PTK7: variants seen among roughly 807,000 people sequenced by gnomAD.
The protein encoded by PTK7 is inactive tyrosine-protein kinase 7.
In PTK7, 39 loss-of-function variants were observed where a neutral mutation model predicts 116.6. That is an observed-to-expected ratio of 0.33 (90% confidence interval 0.26 to 0.44). PTK7 has a LOEUF of 0.44. Among genes scored for constraint, PTK7 ranks in the 20% least tolerant of loss-of-function variants. PTK7 has a pLI of 1.00. For missense variants in PTK7, 1,169 were observed against 1,425.6 expected (o/e 0.82, Z 2.90); for synonymous variants, 546 against 563.6 (o/e 0.97, Z 0.44).
chr6:43,107,505 G>T (rs1268321301), intron 1 of PTK7, among the ~76,000 whole-genome samples: 1 of 152,122 alleles, frequency 6.6e-6, no homozygotes, highest in Non-Finnish European at 1.5e-5. Flanking sequence ...AAGTTAATAT[G>T]GTTAAATGTT....
At chr6:43,158,779 T>G (rs1771664468) in intron 17 of PTK7, 38 bp from the exon 18 acceptor site, 23 of 1,603,026 alleles carry the variant, frequency 1.4e-5, no homozygotes, top group Non-Finnish European at 2.0e-5. Flanking sequence ...TTGATGCCTA[T>G]TCCTGGGCTG....
intron 1 of PTK7, among the ~76,000 whole-genome samples, chr6:43,118,620 CCTCTCTCTCTCTCTCT>C (rs1170818291): frequency 1.7e-3 from 110 of 63,364 alleles, no homozygotes; most frequent in African/African-American, 2.6e-3. Flanking sequence ...AATATTTTAA[CCTCTCTCTCTCTCTCT>C]CTCTCTCTCT....
intron 1 of PTK7, among the ~76,000 whole-genome samples, chr6:43,079,907 A>C (rs948190020): frequency 1.3e-5 from 2 of 151,976 alleles, no homozygotes; most frequent in African/African-American, 4.8e-5. Flanking sequence ...AAAAAAAAAA[A>C]AAAAATTGCC....
intron 1 of PTK7, among the ~76,000 whole-genome samples, chr6:43,101,756 C>T (rs1262285940): frequency 1.3e-5 from 2 of 152,110 alleles, no homozygotes; most frequent in Non-Finnish European, 2.9e-5. Context: ...AACCACACTA[C>T]TTAGAAACGT....
At chr6:43,100,968 C>T (rs1412266069) in intron 1 of PTK7, among the ~76,000 whole-genome samples, 2 of 152,042 alleles carry the variant, frequency 1.3e-5, no homozygotes, top group Non-Finnish European at 2.9e-5. Context: ...TGCGGTGGCT[C>T]ACGCCTGTAA....
chr6:43,157,166 TG>T lies in PTK7; in HGVS notation c.2722-1649del, dbSNP rs113828210. 9.4e-3 allele frequency among the ~76,000 whole-genome samples: 1,339 copies of T among 142,314 alleles called. 24 individuals carry two copies. The highest frequency in any genetic ancestry group is 0.038 in the East Asian group (187 of 4,884). The allele number at this position is 142,314 out of a possible 152,430, so 93.4% of individuals were successfully genotyped here. A position where few individuals can be genotyped will look rare whatever the true frequency, so the allele number is the denominator to read the frequency against. Reference sequence around the variant, plus strand: ...CTTGAGTGCTAGCATTGTTGGATTGTGGTTTTTTTTTTTTTTTCCCACAAAA... The same window carrying T: ...CTTGAGTGCTAGCATTGTTGGATTGTGTTTTTTTTTTTTTTTCCCACAAAA... On this transcript the variant is annotated intron_variant, in intron 17 of 19. Transcript: ENST00000230419.
At chr6:43,138,180 GT>G (rs11317983) in intron 7 of PTK7, among the ~76,000 whole-genome samples, 102,069 of 151,422 alleles carry the variant, frequency 0.67, 35,682 homozygotes, top group African/African-American at 0.86. Context: ...TGGGGGGTTT[GT>G]TTTTTTTGTT....
In PTK7 at chr6:43,141,893, T is replaced by G; in HGVS notation, c.1769-38T>G. 2 of 1,595,008 alleles carry G rather than the reference T, an allele frequency of 1.3e-6. No homozygotes were observed. The highest frequency in any genetic ancestry group is 1.7e-6 in the Non-Finnish European group (2 of 1,168,324). On this transcript the variant is annotated intron_variant, in intron 11 of 19. Transcript: ENST00000230419. This position sits in a 1 kb window ranked among gnomAD's most constrained non-coding sequence, Gnocchi z 4.9. ...CGTGTACCCTGCCAGCCCCTTGGCT[T>G]ACCCCTCCCTGCGCCTCGCTGGTCT...
chr6:43,129,535 C>T lies in PTK7; in HGVS notation c.368-192C>T. 1 of 682,346 alleles carries T rather than the reference C, an allele frequency of 1.5e-6. No individual in the cohort carries two copies. The highest frequency in any genetic ancestry group is 2.4e-6 in the Non-Finnish European group (1 of 410,700). The allele number at this position is 682,346 out of a possible 1,614,324, so 42.3% of individuals were successfully genotyped here. On this transcript the variant is annotated intron_variant, in intron 2 of 19. Coordinates refer to ENST00000230419, the MANE Select transcript of PTK7 (RefSeq NM_002821.5). The surrounding 1 kb of genome is among the most constrained non-coding windows in gnomAD (Gnocchi z 4.5). ...GCCGAGCCCTTGGCCAAGTGTCAGA[C>T]TTGACCTGCCAGGGACCAGGCAGGC...
chr6:43,128,042 G>A (rs1477705382), intron 1 of PTK7, among the ~76,000 whole-genome samples: 1 of 152,174 alleles, frequency 6.6e-6, no homozygotes, highest in East Asian at 1.9e-4. Context: ...TCAAAGAAGC[G>A]TCTGGGAAAC....
At chr6:43,134,809 G>A (rs1207619259) in intron 7 of PTK7, among the ~76,000 whole-genome samples, 6 of 151,736 alleles carry the variant, frequency 4.0e-5, no homozygotes. Flanking sequence ...ATTTAGCCAG[G>A]TATGGTGATG....
intron 1 of PTK7, among the ~76,000 whole-genome samples, chr6:43,092,099 G>C (rs1260089604): frequency 6.6e-6 from 1 of 152,150 alleles, no homozygotes; most frequent in East Asian, 1.9e-4. Flanking sequence ...CTGACCTCGT[G>C]ATCCACCCAC....
intron 1 of PTK7, among the ~76,000 whole-genome samples, chr6:43,080,309 A>G (rs1436509049): frequency 1.3e-5 from 2 of 151,940 alleles, no homozygotes; most frequent in Non-Finnish European, 2.9e-5. Context: ...CCGAGATTGC[A>G]CCACTGCACT....
intron 17 of PTK7, among the ~76,000 whole-genome samples, chr6:43,150,241 G>C (rs564537195): frequency 1.3e-5 from 2 of 152,302 alleles, no homozygotes; most frequent in East Asian, 3.9e-4. Flanking sequence ...TAGCATCACA[G>C]TGGGTTAGCC....
intron 1 of PTK7, among the ~76,000 whole-genome samples, chr6:43,108,362 T>G (rs1274618752): frequency 6.6e-6 from 1 of 151,768 alleles, no homozygotes; most frequent in Non-Finnish European, 1.5e-5. Context: ...CCCAAAGTGC[T>G]GGGATTATGG....
At chr6:43,081,378 T>G (rs1480030331) in intron 1 of PTK7, among the ~76,000 whole-genome samples, 2 of 152,086 alleles carry the variant, frequency 1.3e-5, no homozygotes, top group East Asian at 1.9e-4. Context: ...TGGGTTCTTA[T>G]GTAGGTGGTT....
chr6:43,081,633 G>A (rs990390488), intron 1 of PTK7, among the ~76,000 whole-genome samples: 1 of 152,090 alleles, frequency 6.6e-6, no homozygotes, highest in African/African-American at 2.4e-5. Flanking sequence ...TCGAACTCCT[G>A]ACCTCAGGTG....
chr6:43,159,040 T>A, intron 18 of PTK7, 72 bp downstream of exon 18: 1 of 1,571,682 alleles, frequency 6.4e-7, no homozygotes, highest in South Asian at 1.1e-5. Flanking sequence ...ACAGATAGTT[T>A]GGGGGGTGTG....
intron 17 of PTK7, among the ~76,000 whole-genome samples, chr6:43,157,526 T>G (rs1771579353): frequency 6.7e-6 from 1 of 149,264 alleles, no homozygotes; most frequent in African/African-American, 2.5e-5. Flanking sequence ...CACATATTTT[T>G]AACACAACTA....
Sources: allele counts gnomAD v4.1 joint callset (sites outside exome capture counted in the v4.1 genomes callset), GRCh38; gene constraint gnomAD v4.1.1; non-coding constraint Gnocchi (gnomAD v3.1); transcripts MANE v1.5; gene names NCBI Gene and HGNC (gene_info 2026-07-23, HGNC 2026-07-21).